Variants in OCA2 observed in about 807,000 individuals in gnomAD.
OCA2 encodes P protein.
OCA2 carries 77 observed loss-of-function variants against 100.2 expected under a neutral mutation model. The observed-to-expected ratio is 0.77, with a 90% CI of 0.64 to 0.93. The LOEUF (loss-of-function observed/expected upper bound fraction) is 0.93. Among genes scored for constraint, OCA2 ranks in the 40% least tolerant of loss-of-function variants. OCA2 has a pLI of 0.00. For missense variants in OCA2, 1,062 were observed against 1,089.1 expected (o/e 0.98, Z 0.35); for synonymous variants, 432 against 439.2 (o/e 0.98, Z 0.21).
At chr15:27,780,845 T>G (rs1458397343) in intron 23 of OCA2, among the ~76,000 whole-genome samples, 1 of 152,214 alleles carries the variant, frequency 6.6e-6, no homozygotes, top group Non-Finnish European at 1.5e-5. Flanking sequence ...AAAAATGATT[T>G]TAGCTACTTT....
intron 21 of OCA2, among the ~76,000 whole-genome samples, chr15:27,870,806 AAGAAAGAG>A (rs1364199452): frequency 3.3e-5 from 3 of 90,080 alleles, no homozygotes; most frequent in Admixed American, 1.1e-4. Context: ...GAAAGAAAGA[AAGAAAGAG>A]AGAGAGAAAG....
intron 14 of OCA2, among the ~76,000 whole-genome samples, chr15:27,976,182 C>T (rs1310640329): frequency 2.0e-5 from 3 of 152,174 alleles, no homozygotes; most frequent in Non-Finnish European, 4.4e-5. Flanking sequence ...AAATCTTCTA[C>T]GTGGACGATT....
At chr15:27,892,538 A>G (rs1207745851) in intron 19 of OCA2, among the ~76,000 whole-genome samples, 2 of 119,296 alleles carry the variant, frequency 1.7e-5, no homozygotes, top group Non-Finnish European at 3.2e-5. Flanking sequence ...ACACATAGAA[A>G]CATATAGGGT....
intron 23 of OCA2, among the ~76,000 whole-genome samples, chr15:27,816,630 TG>T (rs2151248322): frequency 6.6e-6 from 1 of 152,176 alleles, no homozygotes; most frequent in Admixed American, 6.5e-5. Flanking sequence ...GGCTTTCTCC[TG>T]ACCCTTTCTC....
chr15:28,030,704 G>T (rs947548124), intron 3 of OCA2, among the ~76,000 whole-genome samples: 46 of 152,328 alleles, frequency 3.0e-4, no homozygotes, highest in African/African-American at 1.1e-3. Context: ...AGAGGTGAGT[G>T]AAGAAGACAC....
chr15:27,851,495 T>C lies in OCA2; in HGVS notation c.2245-20A>G, dbSNP rs1249123496. 1 of 1,595,496 alleles carries C rather than the reference T, an allele frequency of 6.3e-7. No individual in the cohort carries two copies. Among genetic ancestry groups the C allele is most frequent in the Admixed American group, 1.7e-5 (1 of 59,352 alleles). ...GGGAATCTGTGGAGGAAGAGGACATTGATGCCACGTCCCATGGACGCTCAG... is the reference window on the plus strand; with the variant it reads ...GGGAATCTGTGGAGGAAGAGGACATCGATGCCACGTCCCATGGACGCTCAG... On this transcript the variant is annotated intron_variant, in intron 21 of 23. Transcript: ENST00000354638.
chr15:27,762,568 T>C (rs944913033), intron 23 of OCA2, among the ~76,000 whole-genome samples: 1 of 152,226 alleles, frequency 6.6e-6, no homozygotes, highest in Non-Finnish European at 1.5e-5. Context: ...TTTCTAATCA[T>C]GTGACGTGTG....
chr15:27,840,618 A>T (rs2035307195), intron 23 of OCA2, among the ~76,000 whole-genome samples: 1 of 152,208 alleles, frequency 6.6e-6, no homozygotes. Context: ...ACAAAGATGC[A>T]CTCAGCTGAT....
the OCA2 span, among the ~76,000 whole-genome samples, chr15:27,745,437 A>G: frequency 6.6e-6 from 1 of 152,222 alleles, no homozygotes; most frequent in Non-Finnish European, 1.5e-5. Flanking sequence ...CCAAGTCTGG[A>G]TCTGTTTAGT....
chr15:27,851,514 C>T (rs761755172), intron 21 of OCA2, 39 bp from the exon 22 acceptor site: 40 of 1,531,816 alleles, frequency 2.6e-5, no homozygotes, highest in Admixed American at 3.5e-5. Flanking sequence ...GTCCCATGGA[C>T]GCTCAGAGAA....
chr15:27,794,081 T>G (rs1179453270), intron 23 of OCA2, among the ~76,000 whole-genome samples: 1 of 152,180 alleles, frequency 6.6e-6, no homozygotes, highest in Non-Finnish European at 1.5e-5. Flanking sequence ...TCAAAGATCC[T>G]GCAAACAGGA....
intron 20 of OCA2, among the ~76,000 whole-genome samples, 166 bp downstream of exon 20, chr15:27,871,697 A>G (rs1406486307): frequency 1.3e-5 from 2 of 152,250 alleles, no homozygotes; most frequent in Non-Finnish European, 2.9e-5. Context: ...CTTCGGAAAA[A>G]GTCTCCCTTC....
chr15:27,766,833 G>A (rs918011214), intron 23 of OCA2, among the ~76,000 whole-genome samples: 2 of 152,164 alleles, frequency 1.3e-5, no homozygotes, highest in African/African-American at 4.8e-5. Context: ...TTGGTTCTGG[G>A]CCAAATAGAG....
At chr15:27,776,815 T>G (rs2279727) in intron 23 of OCA2, 20,679 of 152,238 alleles carry the variant, frequency 0.14, 2,302 homozygotes, top group East Asian at 0.59. Context: ...AGGTCTCCTC[T>G]GCACCCTCTT....
At chr15:27,876,721 G>T (rs531337247) in intron 19 of OCA2, among the ~76,000 whole-genome samples, 1 of 151,934 alleles carries the variant, frequency 6.6e-6, no homozygotes, top group East Asian at 1.9e-4. Context: ...GACTGTGTTG[G>T]TATAAATTTG....
chr15:27,874,735 G>T, intron 19 of OCA2, among the ~76,000 whole-genome samples: 1 of 152,084 alleles, frequency 6.6e-6, no homozygotes, highest in East Asian at 1.9e-4. Context: ...ATCTCCAGAT[G>T]ACATTAAACC....
At chr15:27,934,991 C>T (rs2594931) in intron 18 of OCA2, among the ~76,000 whole-genome samples, 70,262 of 151,948 alleles carry the variant, frequency 0.46, 19,132 homozygotes, top group East Asian at 0.78. Context: ...CCACACTTTC[C>T]ACTGCAGCCC....
chr15:27,910,050 A>C (rs2038327856), intron 19 of OCA2, among the ~76,000 whole-genome samples: 1 of 152,230 alleles, frequency 6.6e-6, no homozygotes, highest in Non-Finnish European at 1.5e-5. Context: ...GGACACTGAC[A>C]TGAATGCACA....
chr15:27,727,922 G>A, the OCA2 span, among the ~76,000 whole-genome samples: 3 of 152,168 alleles, frequency 2.0e-5, no homozygotes, highest in South Asian at 2.1e-4. Context: ...TTAAGACAAC[G>A]TATTCACAGG....
Sources: gnomAD v4.1 joint callset for allele counts (sites outside exome capture counted in the v4.1 genomes callset) on GRCh38, gnomAD v4.1.1 for gene constraint, MANE v1.5 for transcripts, NCBI Gene and HGNC (gene_info 2026-07-23, HGNC 2026-07-21) for gene names.